The following ECT2 variants were observed in gnomAD, a reference collection of about 807,000 sequenced individuals.
ECT2 encodes protein ECT2.
Under a neutral mutation model 116.9 loss-of-function variants are expected in ECT2, and 61 were observed. The ratio of observed to expected loss-of-function variants is 0.52; its 90% CI spans 0.42 to 0.65. The LOEUF (loss-of-function observed/expected upper bound fraction) is 0.65, where lower values mean the gene tolerates loss of function less well. Ranked by LOEUF, ECT2 falls within the 30% of genes least tolerant of loss-of-function variation. The pLI, the probability that ECT2 is intolerant of heterozygous loss-of-function variation, is 0.00. For missense variants in ECT2, 937 were observed against 1,078.7 expected, an observed-to-expected ratio of 0.87 and a Z score of 1.84; for synonymous variants, 358 against 346.4, an observed-to-expected ratio of 1.03 and a Z score of -0.37.
intron 1 of ECT2, among the ~76,000 whole-genome samples, chr3:172,752,767 T>G (rs568662133): frequency 6.6e-6 from 1 of 152,352 alleles, no homozygotes; most frequent in South Asian, 2.1e-4. Context: ...AAGACATCTA[T>G]TCAGTTTTCA....
At chr3:172,802,765 A>G in intron 19 of ECT2, 71 bp downstream of exon 19, 1 of 1,513,140 alleles carries the variant, frequency 6.6e-7, no homozygotes, top group Admixed American at 2.1e-5. Context: ...GTTTTAATAT[A>G]AATAATATCT....
intron 18 of ECT2, among the ~76,000 whole-genome samples, chr3:172,798,132 G>T (rs568853880): frequency 1.3e-5 from 2 of 152,230 alleles, no homozygotes; most frequent in South Asian, 4.1e-4. Flanking sequence ...TTGATAAGTT[G>T]TGTAAAAGAC....
intron 22 of ECT2, among the ~76,000 whole-genome samples, chr3:172,812,659 A>G (rs1728980563): frequency 6.6e-6 from 1 of 152,180 alleles, no homozygotes; most frequent in Admixed American, 6.5e-5. Flanking sequence ...GTTTTGTTGC[A>G]TGTATACATC....
At chr3:172,811,865 C>T (rs1560024205) in intron 22 of ECT2, among the ~76,000 whole-genome samples, 1 of 152,080 alleles carries the variant, frequency 6.6e-6, no homozygotes, top group African/African-American at 2.4e-5. Flanking sequence ...CAACAGTATA[C>T]TGCAGTAAAA....
chr3:172,758,652 G>C (rs1377449982), intron 5 of ECT2, among the ~76,000 whole-genome samples: 1 of 152,140 alleles, frequency 6.6e-6, no homozygotes, highest in African/African-American at 2.4e-5. Context: ...ATCATCTATA[G>C]TAGTGTATGG....
At chr3:172,819,664 A>G (rs966287209) in intron 24 of ECT2, among the ~76,000 whole-genome samples, 2 of 152,104 alleles carry the variant, frequency 1.3e-5, no homozygotes, top group Non-Finnish European at 2.9e-5. Flanking sequence ...TCTGACACTC[A>G]CATATGTACA....
chr3:172,812,879 C>A (rs1321913626), intron 22 of ECT2, among the ~76,000 whole-genome samples: 1 of 151,994 alleles, frequency 6.6e-6, no homozygotes, highest in Admixed American at 6.5e-5. Context: ...CAATTAAGTT[C>A]ATAAAAGTAA....
chr3:172,758,278 T>G (rs1267352387), intron 5 of ECT2, among the ~76,000 whole-genome samples: 3 of 152,222 alleles, frequency 2.0e-5, no homozygotes, highest in African/African-American at 7.2e-5. Context: ...GCTTAGGTCT[T>G]TGTACTTCTA....
Position 172,801,551 on chromosome 3 carries a change from A to G in ECT2, c.1908-1065A>G, listed in dbSNP as rs114161327. ...AGTGATCAGGTTGAGAACTGTGTACATAAGGAAGCCTTCTGAAAACAGGAG... is the reference window on the plus strand; with the variant it reads ...AGTGATCAGGTTGAGAACTGTGTACGTAAGGAAGCCTTCTGAAAACAGGAG... On this transcript the variant is annotated intron_variant, in intron 18 of 24. Coordinates refer to ENST00000392692, the MANE Select transcript of ECT2 (RefSeq NM_001258315.2). 7.3e-3 allele frequency among the ~76,000 whole-genome samples: 1,115 copies of G among 152,322 alleles called. 14 individuals are homozygous for G. Among genetic ancestry groups the G allele is most frequent in the African/African-American group, 0.025 (1,041 of 41,574 alleles).
intron 4 of ECT2, among the ~76,000 whole-genome samples, chr3:172,756,277 AC>A (rs1195757198): frequency 6.6e-6 from 1 of 152,110 alleles, no homozygotes; most frequent in Non-Finnish European, 1.5e-5. Context: ...TAATTTACTG[AC>A]CCATTTTGAG....
In ECT2 at chr3:172,762,957, G is replaced by A. The variant is rs1718617418; in HGVS notation, c.1053G>A (p.Met351Ile). The part of the protein sequence containing the change: ...IQMDARAGET[M>I]YLYEKANTPE... Reference sequence around the variant, plus strand: ...TGGATGCCCGAGCTGGAGAAACTATGTATTTATATGAAAAGGTATGCTTTT... The same window carrying A: ...TGGATGCCCGAGCTGGAGAAACTATATATTTATATGAAAAGGTATGCTTTT... The change falls in exon 11 of 25, where the codon ATG (methionine) becomes ATA (isoleucine). Residue 351 changes from methionine (M) to isoleucine (I), a missense_variant. Met to Ile is a conservative substitution (Grantham distance 10, BLOSUM62 1). Transcript: ENST00000392692. 1 of 1,613,666 alleles carries A rather than the reference G, an allele frequency of 6.2e-7. No homozygotes were observed. The highest frequency in any genetic ancestry group is 8.5e-7 in the Non-Finnish European group (1 of 1,179,806).
intron 14 of ECT2, among the ~76,000 whole-genome samples, chr3:172,778,081 T>C (rs1722061468): frequency 6.6e-6 from 1 of 152,212 alleles, no homozygotes. Flanking sequence ...TTAAGATTAA[T>C]TCTGCGCTGT....
At chr3:172,755,882 C>CA (rs1392512484) in intron 4 of ECT2, among the ~76,000 whole-genome samples, 1 of 152,164 alleles carries the variant, frequency 6.6e-6, no homozygotes, top group African/African-American at 2.4e-5. Flanking sequence ...GCTGCCATAA[C>CA]AAAATACCAC....
intron 11 of ECT2, among the ~76,000 whole-genome samples, chr3:172,763,242 T>C (rs1718692385): frequency 6.6e-6 from 1 of 152,174 alleles, no homozygotes; most frequent in Non-Finnish European, 1.5e-5. Context: ...AGACTTTTAA[T>C]GGAAAGATAG....
intron 18 of ECT2, among the ~76,000 whole-genome samples, chr3:172,798,731 C>G (rs1183046632): frequency 6.6e-6 from 1 of 151,976 alleles, no homozygotes; most frequent in African/African-American, 2.4e-5. Flanking sequence ...CTATTTGATT[C>G]CTCCACAATT....
At chr3:172,793,205 C>T (rs1401339096) in intron 18 of ECT2, among the ~76,000 whole-genome samples, 1 of 152,056 alleles carries the variant, frequency 6.6e-6, no homozygotes, top group Non-Finnish European at 1.5e-5. Context: ...CTCACTCTGT[C>T]TCCAGGCTAC....
intron 12 of ECT2, among the ~76,000 whole-genome samples, chr3:172,768,242 T>TCTTTACATGTAAAGGAATA (rs1719904980): frequency 6.6e-6 from 1 of 152,214 alleles, no homozygotes; most frequent in East Asian, 1.9e-4. Context: ...AACCTTTTCC[T>TCTTTACATGTAAAGGAATA]CTTTACATGT....
In ECT2 at chr3:172,784,691, A is replaced by C; in HGVS notation, c.1729-16A>C. On this transcript the variant is annotated splice_polypyrimidine_tract_variant and intron_variant, in intron 16 of 24. Coordinates refer to ENST00000392692, the MANE Select transcript of ECT2 (RefSeq NM_001258315.2). ...CAGAAAACCTTTTTTGAAATTGTTG[A>C]ATAAATTGTTTTCAGATAAACCAAG... The C allele has an allele frequency of 6.2e-7, 1 of 1,602,402 alleles. No homozygotes were observed. The highest frequency in any genetic ancestry group is 1.3e-5 in the African/African-American group (1 of 74,778).
chr3:172,763,971 G>A (rs1284150158), intron 11 of ECT2, among the ~76,000 whole-genome samples: 1 of 152,210 alleles, frequency 6.6e-6, no homozygotes, highest in African/African-American at 2.4e-5. Flanking sequence ...CGAACAGACT[G>A]TGAATGGCCC....
Sources: allele counts gnomAD v4.1 joint callset (sites outside exome capture counted in the v4.1 genomes callset), GRCh38; gene constraint gnomAD v4.1.1; transcripts MANE v1.5; gene names NCBI Gene and HGNC (gene_info 2026-07-23, HGNC 2026-07-21).